RMDN2: variants seen among roughly 807,000 people sequenced by gnomAD.
RMDN2 encodes the protein regulator of microtubule dynamics 2.
Under a neutral mutation model 52.8 loss-of-function variants are expected in RMDN2, and 61 were observed. The observed-to-expected ratio is 1.16, with a 90% CI of 0.94 to 1.43. The LOEUF (loss-of-function observed/expected upper bound fraction) is 1.43, where lower values mean the gene tolerates loss of function less well. RMDN2 is among the 40% of genes most tolerant of loss of function. The probability of loss-of-function intolerance (pLI) is 0.00; values close to 1 mark genes in which losing one functional copy is unlikely to be tolerated. For synonymous variants in RMDN2, 180 were observed against 153.1 expected (o/e 1.18, Z -1.30); for missense variants, 592 against 475.3 (o/e 1.25, Z -2.28).
At chr2:37,970,009 T>C (rs140752803) in intron 2 of RMDN2, among the ~76,000 whole-genome samples, 1 of 152,126 alleles carries the variant, frequency 6.6e-6, no homozygotes, top group Non-Finnish European at 1.5e-5. Flanking sequence ...CATAGCTTAC[T>C]GCAGCCTCAA....
chr2:38,033,675 CT>C (rs2125277935), intron 10 of RMDN2, among the ~76,000 whole-genome samples: 1 of 152,298 alleles, frequency 6.6e-6, no homozygotes, highest in East Asian at 1.9e-4. Context: ...TCAATAAATA[CT>C]TTTAAAGTTG....
intron 2 of RMDN2, among the ~76,000 whole-genome samples, chr2:37,967,105 A>G (rs750786239): frequency 7.2e-5 from 11 of 152,206 alleles, no homozygotes; most frequent in Admixed American, 1.3e-4. Flanking sequence ...TGAAGCCCAC[A>G]GAGACACTTC....
chr2:38,061,037 A>T (rs939076523), intron 10 of RMDN2, among the ~76,000 whole-genome samples: 3 of 152,170 alleles, frequency 2.0e-5, no homozygotes, highest in Admixed American at 2.0e-4. Flanking sequence ...GTGCACATAA[A>T]ATTAAAGAAT....
At chr2:38,059,887 T>C (rs894064138) in intron 10 of RMDN2, among the ~76,000 whole-genome samples, 2 of 151,848 alleles carry the variant, frequency 1.3e-5, no homozygotes, top group Non-Finnish European at 2.9e-5. Flanking sequence ...GTTGGTTTTT[T>C]TTGTTTTTGT....
chr2:38,010,068 G>T (rs1156537117), intron 10 of RMDN2, among the ~76,000 whole-genome samples: 1 of 152,174 alleles, frequency 6.6e-6, no homozygotes, highest in Non-Finnish European at 1.5e-5. Flanking sequence ...TCGTTCCTCT[G>T]GAAGTTTTGT....
rs142418015 is a variant in RMDN2 at position 37,975,214 on chromosome 2, T to C, written c.630T>C (p.Phe210=). 2 of 1,577,918 alleles carry C rather than the reference T, an allele frequency of 1.3e-6. No homozygotes were observed. The highest frequency in any genetic ancestry group is 2.7e-5 in the African/African-American group (2 of 74,200). The part of the protein sequence containing the change: ...FELLRDHKEK[F]RDEIEFMWRF... ...GCAACTCCATCTTTTCTTTTCAGTT[T>C]AGAGATGAAATAGAGTTTATGTGGC... Residue 210 remains phenylalanine, a splice_region_variant and synonymous_variant, in exon 4 of 11, where the codon TTT becomes TTC. Coordinates refer to ENST00000354545, the MANE Select transcript of RMDN2 (RefSeq NM_001170791.3).
intron 10 of RMDN2, among the ~76,000 whole-genome samples, chr2:38,015,445 G>T (rs904374121): frequency 1.4e-4 from 21 of 151,836 alleles, no homozygotes; most frequent in African/African-American, 4.8e-4. Context: ...CGTGCCTGTA[G>T]CCCCAGCTAC....
chr2:37,970,962 T>A (rs1271750020), intron 2 of RMDN2, among the ~76,000 whole-genome samples: 1 of 152,088 alleles, frequency 6.6e-6, no homozygotes. Context: ...AAGTCTCTTA[T>A]CAGATATATG....
chr2:37,943,112 C>T (rs1170031986), intron 2 of RMDN2, among the ~76,000 whole-genome samples: 1 of 152,188 alleles, frequency 6.6e-6, no homozygotes, highest in Non-Finnish European at 1.5e-5. Context: ...CCCTGGAAAG[C>T]CGTTCGCGTT....
intron 10 of RMDN2, among the ~76,000 whole-genome samples, chr2:38,007,612 C>T (rs1271347858): frequency 1.3e-5 from 2 of 152,106 alleles, no homozygotes; most frequent in African/African-American, 4.8e-5. Flanking sequence ...CTTTATTAGT[C>T]TTCCTAGAGG....
At chr2:38,003,825 A>T (rs1346356725) in intron 8 of RMDN2, among the ~76,000 whole-genome samples, 166 bp from the exon 9 acceptor site, 7 of 152,224 alleles carry the variant, frequency 4.6e-5, no homozygotes, top group African/African-American at 1.4e-4. Context: ...TTCCACCCAA[A>T]AGATACTTAA....
downstream of RMDN2, among the ~76,000 whole-genome samples, chr2:38,020,831 A>C (rs1573140494): frequency 7.3e-6 from 1 of 136,916 alleles, no homozygotes; most frequent in African/African-American, 2.7e-5. Flanking sequence ...AGCCTCCCCC[A>C]CGAGCGCCAC....
intron 2 of RMDN2, among the ~76,000 whole-genome samples, chr2:37,960,621 G>A (rs977329120): frequency 3.9e-5 from 6 of 152,070 alleles, no homozygotes; most frequent in Admixed American, 2.0e-4. Context: ...TCTTTTAATT[G>A]GGGAATTTAG....
intron 10 of RMDN2, among the ~76,000 whole-genome samples, chr2:38,058,587 G>A (rs1054009102): frequency 2.6e-5 from 4 of 152,196 alleles, no homozygotes; most frequent in African/African-American, 9.6e-5. Context: ...TAGAACATAA[G>A]GAACCATAGC....
chr2:37,962,192 A>T (rs544530434), intron 2 of RMDN2, among the ~76,000 whole-genome samples: 11 of 152,180 alleles, frequency 7.2e-5, no homozygotes, highest in Admixed American at 5.2e-4. Flanking sequence ...TGAGGAGGCA[A>T]TCTGTCCCTT....
At chr2:37,949,112 A>G (rs1343037335) in intron 2 of RMDN2, among the ~76,000 whole-genome samples, 2 of 152,194 alleles carry the variant, frequency 1.3e-5, no homozygotes, top group African/African-American at 4.8e-5. Flanking sequence ...AAAAGACAGT[A>G]GTCTCACAAG....
At chr2:37,974,006 T>G (rs1672134175) in intron 2 of RMDN2, 34 bp from the exon 3 acceptor site, 1 of 1,543,528 alleles carries the variant, frequency 6.5e-7, no homozygotes, top group East Asian at 2.3e-5. Context: ...TACTTAACTT[T>G]CAAAGGAGTT....
chr2:38,048,850 T>C (rs1046151716), intron 10 of RMDN2, among the ~76,000 whole-genome samples: 2 of 152,250 alleles, frequency 1.3e-5, no homozygotes, highest in East Asian at 1.9e-4. Context: ...AATCTATGAG[T>C]TGGCAAACCT....
chr2:37,936,406 C>T (rs1005881717), intron 2 of RMDN2, among the ~76,000 whole-genome samples: 3 of 152,164 alleles, frequency 2.0e-5, no homozygotes, highest in African/African-American at 7.2e-5. Flanking sequence ...TGGGTATATA[C>T]CCCGTAATGG....
Sources: gnomAD v4.1 joint callset for allele counts (sites outside exome capture counted in the v4.1 genomes callset) on GRCh38, gnomAD v4.1.1 for gene constraint, MANE v1.5 for transcripts, NCBI Gene and HGNC (gene_info 2026-07-23, HGNC 2026-07-21) for gene names.